The following PDZD2 variants were observed in gnomAD, a reference collection of about 807,000 sequenced individuals.
PDZD2 encodes the protein PDZ domain containing 2.
A neutral mutation model predicts 220.7 loss-of-function variants in PDZD2; 90 were observed. The observed-to-expected ratio is 0.41, with a 90% confidence interval of 0.34 to 0.49. The LOEUF (loss-of-function observed/expected upper bound fraction) is 0.49. Among genes scored for constraint, PDZD2 ranks in the 20% least tolerant of loss-of-function variants. PDZD2 has a pLI of 0.28. For synonymous variants in PDZD2, 1,375 were observed against 1,450.5 expected, an observed-to-expected ratio of 0.95 and a Z score of 1.18; for missense variants, 3,174 against 3,608.5, an observed-to-expected ratio of 0.88 and a Z score of 3.08.
intron 2 of PDZD2, among the ~76,000 whole-genome samples, chr5:31,904,911 A>T (rs1369322188): frequency 1.3e-5 from 2 of 152,104 alleles, no homozygotes; most frequent in Non-Finnish European, 2.9e-5. Flanking sequence ...TTCGCCTATA[A>T]AATTATGCAA....
At chr5:31,890,531 C>T (rs573930801) in intron 2 of PDZD2, among the ~76,000 whole-genome samples, 25 of 152,112 alleles carry the variant, frequency 1.6e-4, no homozygotes, top group East Asian at 1.9e-4. Flanking sequence ...ACAGCCGAGC[C>T]GGGCCTAGAG....
intron 2 of PDZD2, among the ~76,000 whole-genome samples, chr5:31,863,432 TC>T (rs1304836048): frequency 1.3e-5 from 2 of 152,246 alleles, no homozygotes; most frequent in Non-Finnish European, 2.9e-5. Context: ...AGCGTGGTTT[TC>T]CAGGTGGTTT....
chr5:32,002,365 C>T (rs1036116819), intron 5 of PDZD2, among the ~76,000 whole-genome samples: 3 of 152,018 alleles, frequency 2.0e-5, no homozygotes, highest in Non-Finnish European at 2.9e-5. Context: ...GAGTCCATCG[C>T]GCTCCCTGCA....
chr5:31,644,878 C>T (rs1745077514), intron 1 of PDZD2, among the ~76,000 whole-genome samples: 1 of 152,170 alleles, frequency 6.6e-6, no homozygotes, highest in Non-Finnish European at 1.5e-5. Flanking sequence ...TTTTTATATA[C>T]AGTGTTTCTG....
chr5:31,847,402 C>A, intron 2 of PDZD2: 1 of 480,162 alleles, frequency 2.1e-6, no homozygotes, highest in South Asian at 2.1e-5. Context: ...AAAATAAGTA[C>A]AACACACCCA....
intron 1 of PDZD2, among the ~76,000 whole-genome samples, chr5:31,716,154 C>T (rs531704059): frequency 7.9e-5 from 12 of 152,298 alleles, no homozygotes; most frequent in South Asian, 2.1e-4. Context: ...ATAGAACCAA[C>T]GCCTCTTTTC....
intron 2 of PDZD2, chr5:31,847,337 C>T (rs191790761): frequency 5.1e-4 from 194 of 377,506 alleles, no homozygotes; most frequent in Admixed American, 2.3e-3. Context: ...ATTTAGAAGA[C>T]GACAAGAGGG....
chr5:31,958,271 T>A (rs1311245319), intron 2 of PDZD2, among the ~76,000 whole-genome samples: 1 of 133,778 alleles, frequency 7.5e-6, no homozygotes, highest in African/African-American at 2.8e-5. Context: ...TTTTTTTTTT[T>A]GAGACGGAGT....
At chr5:32,003,734 G>A (rs1440391304) in intron 5 of PDZD2, among the ~76,000 whole-genome samples, 3 of 151,790 alleles carry the variant, frequency 2.0e-5, no homozygotes, top group Non-Finnish European at 4.4e-5. Flanking sequence ...TTTTTGAGAC[G>A]GAGTCTCACT....
chr5:32,054,149 G>A (rs1256142925), intron 10 of PDZD2, among the ~76,000 whole-genome samples: 1 of 151,904 alleles, frequency 6.6e-6, no homozygotes, highest in African/African-American at 2.4e-5. Flanking sequence ...TGTCTATCTT[G>A]TCAACTTGGT....
intron 1 of PDZD2, among the ~76,000 whole-genome samples, chr5:31,729,648 CA>C (rs576560232): frequency 6.6e-6 from 1 of 152,262 alleles, no homozygotes; most frequent in East Asian, 1.9e-4. Flanking sequence ...GTCCATCCAC[CA>C]ACTTCAGAAC....
At chr5:31,751,933 A>G (rs1208141390) in intron 1 of PDZD2, among the ~76,000 whole-genome samples, 1 of 151,770 alleles carries the variant, frequency 6.6e-6, no homozygotes, top group African/African-American at 2.4e-5. Flanking sequence ...AAGTTTAACC[A>G]TCTTTGAGGG....
At chr5:32,095,831 C>G (rs1743624743) in intron 21 of PDZD2, among the ~76,000 whole-genome samples, 1 of 150,996 alleles carries the variant, frequency 6.6e-6, no homozygotes, top group African/African-American at 2.4e-5. Context: ...AGCTCCACCT[C>G]CTGGGTTCAC....
Position 32,108,160 on chromosome 5 carries a change from G to A in PDZD2, c.*25G>A. The A allele has an allele frequency of 2.6e-6, 4 of 1,532,720 alleles. No homozygotes were observed. The highest frequency in any genetic ancestry group is 2.7e-6 in the Non-Finnish European group (3 of 1,117,082). 94.9% of individuals were successfully genotyped at this position (1,532,720 alleles called of 1,614,324 possible). A position where few individuals can be genotyped will look rare whatever the true frequency, so the allele number is the denominator to read the frequency against. ...AATTTTAACAAGAATCATTTTCTCA[G>A]TTCTCTTCTTTCTTTAGCAAATCAG... On this transcript the variant is annotated 3_prime_UTR_variant, in exon 25 of 25. Coordinates refer to ENST00000438447, the MANE Select transcript of PDZD2 (RefSeq NM_178140.4).
rs36010594 is a variant in PDZD2 at position 32,090,888 on chromosome 5, C to T, written c.7440C>T (p.Ser2480=). The T allele has an allele frequency of 5.2e-4, 840 of 1,614,034 alleles. 5 individuals carry two copies. The African/African-American group carries it at 0.01, about 20-fold the overall frequency. The change falls in exon 20 of 25, where the codon TCC becomes TCT. Residue 2480 remains serine, a synonymous_variant. Coordinates refer to ENST00000438447, the MANE Select transcript of PDZD2 (RefSeq NM_178140.4). This position sits in a 1 kb window ranked among gnomAD's most constrained non-coding sequence, Gnocchi z 4.3. ...CGCAGCCCTCGCCCGTGTCCCGCTC[C>T]AAGCTCCAGGAGCTGAGAGCCTTGA... ...RHTQPSPVSR[S]KLQELRALSM...
At chr5:32,003,872 T>C (rs562756657) in intron 5 of PDZD2, among the ~76,000 whole-genome samples, 1 of 152,198 alleles carries the variant, frequency 6.6e-6, no homozygotes, top group African/African-American at 2.4e-5. Context: ...CCACCACGTC[T>C]GGCTAATTTT....
intron 2 of PDZD2, among the ~76,000 whole-genome samples, chr5:31,803,891 T>C (rs1754554993): frequency 6.6e-6 from 1 of 151,978 alleles, no homozygotes; most frequent in Non-Finnish European, 1.5e-5. Flanking sequence ...TTTTTTTAAT[T>C]AGCTGGGCAT....
intron 1 of PDZD2, among the ~76,000 whole-genome samples, chr5:31,791,963 T>C (rs962882712): frequency 3.9e-5 from 6 of 152,218 alleles, no homozygotes; most frequent in Admixed American, 2.6e-4. Flanking sequence ...CAGGGGTTTA[T>C]TTTTCCTCTA....
chr5:31,881,839 C>G (rs970984928), intron 2 of PDZD2, among the ~76,000 whole-genome samples: 1 of 151,984 alleles, frequency 6.6e-6, no homozygotes, highest in African/African-American at 2.4e-5. Context: ...CTCAGCCTCC[C>G]GAGTAGCTGG....
Sources: allele counts gnomAD v4.1 joint callset (sites outside exome capture counted in the v4.1 genomes callset), GRCh38; gene constraint gnomAD v4.1.1; non-coding constraint Gnocchi (gnomAD v3.1); transcripts MANE v1.5; gene names NCBI Gene and HGNC (gene_info 2026-07-23, HGNC 2026-07-21).